Variants in TRAK2 observed in about 807,000 individuals in gnomAD.
The protein encoded by TRAK2 is trafficking kinesin protein 2, also known as trafficking kinesin-binding protein 2.
A neutral mutation model predicts 104.6 loss-of-function variants in TRAK2; 81 were observed. The observed-to-expected ratio is 0.77, with a 90% CI of 0.65 to 0.93. The LOEUF is 0.93. Ranked by LOEUF, TRAK2 falls within the 40% of genes least tolerant of loss-of-function variation. The probability of loss-of-function intolerance (pLI) is 0.00; values close to 1 mark genes in which losing one functional copy is unlikely to be tolerated. For missense variants in TRAK2, 1,002 were observed against 1,089.0 expected, an observed-to-expected ratio of 0.92 and a Z score of 1.12; for synonymous variants, 406 against 394.4, an observed-to-expected ratio of 1.03 and a Z score of -0.35.
intron 12 of TRAK2, among the ~76,000 whole-genome samples, chr2:201,388,929 T>A (rs1007610106): frequency 6.6e-6 from 1 of 152,100 alleles, no homozygotes. Flanking sequence ...TTCAATGTAC[T>A]GAATTAATAA....
intron 1 of TRAK2, among the ~76,000 whole-genome samples, chr2:201,440,135 T>G (rs1951909357): frequency 6.6e-6 from 1 of 151,464 alleles, no homozygotes. Flanking sequence ...AATAACCCGC[T>G]CATATGTGAC....
chr2:201,438,523 T>C (rs1951895175), intron 1 of TRAK2, among the ~76,000 whole-genome samples: 1 of 152,204 alleles, frequency 6.6e-6, no homozygotes, highest in Admixed American at 6.5e-5. Context: ...TACTTGTCCA[T>C]ACTAAGAGCC....
intron 1 of TRAK2, among the ~76,000 whole-genome samples, chr2:201,442,427 C>T (rs750583317): frequency 6.6e-6 from 1 of 151,542 alleles, no homozygotes; most frequent in Admixed American, 6.6e-5. Flanking sequence ...AGAGATTTGA[C>T]GCTTGGACCC....
rs766075040 is a variant in TRAK2, at chr2:201,420,407, C to A, written c.91+10G>T. 6.8e-6 allele frequency: 11 copies of A among 1,611,164 alleles called. No homozygotes were observed. The highest frequency in any genetic ancestry group is 1.7e-6 in the Non-Finnish European group (2 of 1,177,660). The stretch of plus-strand genomic sequence containing the variant: ...CGATAGCACTTCAATATTTATTAAA[C>A]TGGACTTACCAGTGATGCTCTCCGA... On this transcript the variant is annotated intron_variant, in intron 2 of 15. Transcript: ENST00000332624.
intron 13 of TRAK2, 86 bp from the exon 14 acceptor site, chr2:201,386,570 TAAC>T (rs1311644868): frequency 4.7e-6 from 7 of 1,492,256 alleles, no homozygotes; most frequent in Non-Finnish European, 6.4e-6. Context: ...ATATGTGTAA[TAAC>T]AATAATGACA....
At chr2:201,448,363 C>T (rs191076985) in intron 1 of TRAK2, among the ~76,000 whole-genome samples, 6 of 152,184 alleles carry the variant, frequency 3.9e-5, no homozygotes, top group South Asian at 2.1e-4. Context: ...AGTTGCCTAT[C>T]TATAAAAACA....
At position 201,407,398 on chromosome 2, in the gene TRAK2, C is replaced by A. The variant is rs370488271; in HGVS notation, c.286+5G>T. 54 of 1,609,020 alleles carry A rather than the reference C, an allele frequency of 3.4e-5. No homozygotes were observed. Among genetic ancestry groups the A allele is most frequent in the Admixed American group, 5.1e-5 (3 of 59,128 alleles). ...ACAAACTAAAAGAGTAAAAAAAATA[C>A]TCACTCATGTAACGGAAAGTCTCTT... is the stretch of plus-strand genomic sequence containing the variant. On this transcript the variant is annotated splice_donor_5th_base_variant and intron_variant, in intron 3 of 15. Transcript: ENST00000332624.
Position 201,399,435 on chromosome 2 carries a change from T to C in TRAK2, c.422A>G (p.His141Arg), listed in dbSNP as rs767419802. ...GGATTCGTTCTGCTCAGATAAGACA[T>C]GGTTCCGCTTTAAGAGAGCTTGTCC... ...RIGQALLKRNHVLSEQNESLE... is the reference protein window; with the variant it reads ...RIGQALLKRNRVLSEQNESLE... The change falls in exon 5 of 16, where the codon CAT becomes CGT. Residue 141 changes from histidine (H) to arginine (R), a missense_variant. By Grantham distance (29) the His-to-Arg change is conservative. Coordinates refer to ENST00000332624, the MANE Select transcript of TRAK2 (RefSeq NM_015049.3). The C allele has an allele frequency of 8.7e-6, 14 of 1,612,740 alleles. No individual in the cohort carries two copies. Among genetic ancestry groups the C allele is most frequent in the East Asian group, 4.5e-5 (2 of 44,874 alleles).
chr2:201,381,631 G>A (rs1951346280), intron 15 of TRAK2, among the ~76,000 whole-genome samples: 2 of 152,102 alleles, frequency 1.3e-5, no homozygotes, highest in Non-Finnish European at 2.9e-5. Flanking sequence ...TCCATAAAGT[G>A]AGATACATTG....
intron 13 of TRAK2, among the ~76,000 whole-genome samples, chr2:201,387,335 G>A (rs1352695786): frequency 2.6e-5 from 4 of 152,144 alleles, no homozygotes; most frequent in Admixed American, 2.0e-4. Flanking sequence ...TTTTGAAAAG[G>A]AAGGTGGAGA....
intron 3 of TRAK2, among the ~76,000 whole-genome samples, chr2:201,405,987 AAAAAG>A (rs1206895473): frequency 6.6e-6 from 1 of 152,234 alleles, no homozygotes; most frequent in Non-Finnish European, 1.5e-5. Flanking sequence ...CCGTCTCAAA[AAAAAG>A]AAAAGAAAAG....
intron 6 of TRAK2, chr2:201,397,942 G>A (rs1047899062): frequency 1.4e-5 from 8 of 572,216 alleles, no homozygotes; most frequent in East Asian, 2.8e-5. Flanking sequence ...TTTCACTATT[G>A]TACTGTCAAC....
intron 1 of TRAK2, among the ~76,000 whole-genome samples, chr2:201,434,757 G>C (rs1037110557): frequency 3.3e-5 from 5 of 152,186 alleles, no homozygotes; most frequent in African/African-American, 1.2e-4. Flanking sequence ...TGATGTCCCA[G>C]AGTGACAGTA....
At chr2:201,406,101 G>A (rs1393877675) in intron 3 of TRAK2, among the ~76,000 whole-genome samples, 2 of 152,156 alleles carry the variant, frequency 1.3e-5, no homozygotes, top group African/African-American at 4.8e-5. Flanking sequence ...TCTCAAGCAA[G>A]CAAATTCTCA....
chr2:201,397,580 C>G lies in TRAK2; in HGVS notation c.691G>C (p.Ala231Pro), dbSNP rs771812770. ...EEENMALRSK[A>P]CHIKTETVTY... is the part of the protein sequence containing the mutation. The stretch of plus-strand genomic sequence containing the variant: ...ACAGTTTCTGTCTTTATGTGACAAG[C>G]CTTCAAGAAAAAAATCAGTATGTGA... The change falls in exon 7 of 16, where the codon GCT (alanine) becomes CCT (proline). Residue 231 changes from alanine to proline, a missense_variant and splice_region_variant. Physicochemically the swap from Ala to Pro is conservative, Grantham distance 27 (BLOSUM62 -1). Coordinates refer to ENST00000332624, the MANE Select transcript of TRAK2 (RefSeq NM_015049.3). 3 of 1,609,308 alleles carry G rather than the reference C, an allele frequency of 1.9e-6. No homozygotes were observed. The highest frequency in any genetic ancestry group is 2.5e-6 in the Non-Finnish European group (3 of 1,176,890).
In TRAK2 at chr2:201,407,458, C is replaced by T; in HGVS notation, c.231G>A (p.Gln77=). Residue 77 remains glutamine (Q), a synonymous_variant, in exon 3 of 16, where the codon CAG becomes CAA. Transcript: ENST00000332624. ...CTGGAGAGAGAGCATCAGATGCATGCTGCCGCTGGTGTGGAGACTGAGTCC... is the reference window on the plus strand; with the variant it reads ...CTGGAGAGAGAGCATCAGATGCATGTTGCCGCTGGTGTGGAGACTGAGTCC... ...QDWTQSPHQR[Q]HASDALSPVL... The T allele has an allele frequency of 6.2e-7, 1 of 1,614,054 alleles. No individual in the cohort carries two copies.
chr2:201,382,316 T>A (rs1951352092), intron 15 of TRAK2, among the ~76,000 whole-genome samples: 1 of 152,162 alleles, frequency 6.6e-6, no homozygotes, highest in Non-Finnish European at 1.5e-5. Context: ...CACTTCAACA[T>A]AAAATACTCA....
chr2:201,396,372 G>T (rs1951501679), intron 7 of TRAK2, among the ~76,000 whole-genome samples: 2 of 152,042 alleles, frequency 1.3e-5, no homozygotes, highest in Admixed American at 6.6e-5. Flanking sequence ...GAAGCCCATA[G>T]CCCAAATGAA....
chr2:201,407,846 A>T (rs1335263725), intron 2 of TRAK2, among the ~76,000 whole-genome samples: 1 of 152,138 alleles, frequency 6.6e-6, no homozygotes, highest in African/African-American at 2.4e-5. Context: ...GTAATTTCTA[A>T]AAAGTATTTT....
Sources: allele counts gnomAD v4.1 joint callset (sites outside exome capture counted in the v4.1 genomes callset), GRCh38; gene constraint gnomAD v4.1.1; transcripts MANE v1.5; gene names NCBI Gene and HGNC (gene_info 2026-07-23, HGNC 2026-07-21).